Variants in RALYL observed in about 807,000 individuals in gnomAD.
RALYL encodes the protein RNA-binding Raly-like protein.
RALYL carries 29 observed loss-of-function variants against 35.1 expected under a neutral mutation model. The observed-to-expected ratio is 0.83, with a 90% CI of 0.61 to 1.13. RALYL has a LOEUF of 1.13. RALYL is among the 50% of genes most tolerant of loss of function. The pLI is 0.00. For missense variants in RALYL, 359 were observed against 360.4 expected (o/e 1.00, Z 0.03); for synonymous variants, 120 against 127.6 (o/e 0.94, Z 0.40).
intron 1 of RALYL, among the ~76,000 whole-genome samples, chr8:84,218,241 A>C (rs568812183): frequency 2.6e-5 from 4 of 152,148 alleles, no homozygotes; most frequent in African/African-American, 9.6e-5. Context: ...GTAGAGAGTA[A>C]GTGGAAGAAG....
At chr8:84,841,001 C>A (rs904722419) in intron 4 of RALYL, among the ~76,000 whole-genome samples, 79 of 152,298 alleles carry the variant, frequency 5.2e-4, no homozygotes, top group Non-Finnish European at 9.6e-4. Context: ...CAGTACCAGC[C>A]ACTGCAAAAA....
chr8:84,450,816 A>G (rs1041454724), intron 1 of RALYL, among the ~76,000 whole-genome samples: 2 of 151,986 alleles, frequency 1.3e-5, no homozygotes, highest in African/African-American at 4.8e-5. Flanking sequence ...TGAAATTTTC[A>G]AAAAGATTCC....
chr8:84,436,494 A>G (rs2047723367), intron 1 of RALYL, among the ~76,000 whole-genome samples: 1 of 148,880 alleles, frequency 6.7e-6, no homozygotes, highest in African/African-American at 2.5e-5. Flanking sequence ...AAAAAATAAA[A>G]CCTTCGCAGA....
intron 1 of RALYL, among the ~76,000 whole-genome samples, chr8:84,397,805 C>T (rs988148002): frequency 6.6e-6 from 1 of 152,204 alleles, no homozygotes; most frequent in South Asian, 2.1e-4. Context: ...GAACTCAGTA[C>T]TGCACCTCCT....
intron 1 of RALYL, among the ~76,000 whole-genome samples, chr8:84,407,315 G>A (rs1260119628): frequency 6.6e-6 from 1 of 151,982 alleles, no homozygotes; most frequent in Non-Finnish European, 1.5e-5. Context: ...CTCATCATGG[G>A]GAATAGTTCC....
intron 1 of RALYL, among the ~76,000 whole-genome samples, chr8:84,442,738 T>C (rs2133003344): frequency 6.6e-6 from 1 of 152,226 alleles, no homozygotes; most frequent in African/African-American, 2.4e-5. Flanking sequence ...GTTTTTGTAT[T>C]GGAAAGATCA....
chr8:84,842,129 G>A (rs1833535216), intron 4 of RALYL, among the ~76,000 whole-genome samples: 1 of 152,150 alleles, frequency 6.6e-6, no homozygotes, highest in Non-Finnish European at 1.5e-5. Flanking sequence ...GAGCAGAACT[G>A]AAGGAAATAG....
intron 2 of RALYL, among the ~76,000 whole-genome samples, chr8:84,676,958 C>T (rs555529501): frequency 1.3e-4 from 20 of 152,234 alleles, no homozygotes; most frequent in African/African-American, 4.6e-4. Context: ...CATGCCACCA[C>T]ACCTGGCTAA....
chr8:84,597,281 C>G (rs899666652), intron 2 of RALYL, among the ~76,000 whole-genome samples: 1 of 152,132 alleles, frequency 6.6e-6, no homozygotes, highest in South Asian at 2.1e-4. Context: ...AGACTTTCTT[C>G]CCCAATTCTC....
intron 4 of RALYL, among the ~76,000 whole-genome samples, chr8:84,830,892 G>T (rs2134385886): frequency 6.6e-6 from 1 of 152,116 alleles, no homozygotes; most frequent in East Asian, 1.9e-4. Flanking sequence ...GATTAATATG[G>T]AAAATATCAG....
intron 2 of RALYL, among the ~76,000 whole-genome samples, chr8:84,757,156 TA>T (rs901007911): frequency 2.0e-5 from 3 of 152,144 alleles, no homozygotes; most frequent in Admixed American, 6.6e-5. Context: ...AATTTAGAGA[TA>T]TTTTTGATAA....
chr8:84,412,495 C>T (rs73304370), intron 1 of RALYL, among the ~76,000 whole-genome samples: 1 of 151,752 alleles, frequency 6.6e-6, no homozygotes, highest in African/African-American at 2.4e-5. Context: ...AGAGATTTCC[C>T]TCTGGGTTTC....
intron 2 of RALYL, among the ~76,000 whole-genome samples, chr8:84,744,677 C>G (rs868071492): frequency 6.6e-5 from 10 of 151,966 alleles, no homozygotes; most frequent in African/African-American, 2.4e-4. Context: ...CCATTCAGAG[C>G]TTTTCAAAGG....
At chr8:84,605,950 T>C (rs1229835005) in intron 2 of RALYL, among the ~76,000 whole-genome samples, 1 of 152,114 alleles carries the variant, frequency 6.6e-6, no homozygotes, top group Non-Finnish European at 1.5e-5. Flanking sequence ...GAGTTATTTG[T>C]GAGATTCATT....
chr8:84,708,829 A>G (rs1841663134), intron 2 of RALYL, among the ~76,000 whole-genome samples: 1 of 152,186 alleles, frequency 6.6e-6, no homozygotes, highest in Non-Finnish European at 1.5e-5. Context: ...TACATTTTTA[A>G]AAAATGAATA....
At chr8:84,380,319 T>C (rs16912757) in intron 1 of RALYL, among the ~76,000 whole-genome samples, 4,477 of 151,962 alleles carry the variant, frequency 0.029, 215 homozygotes, top group African/African-American at 0.1. Context: ...ATAATAGGCA[T>C]AATATTTCTG....
At chr8:84,568,027 G>A (rs1055216091) in intron 2 of RALYL, among the ~76,000 whole-genome samples, 2 of 151,212 alleles carry the variant, frequency 1.3e-5, no homozygotes, top group African/African-American at 4.9e-5. Context: ...GTCTGTTCAT[G>A]TCCTTTTCCC....
intron 7 of RALYL, among the ~76,000 whole-genome samples, chr8:84,882,914 A>G (rs1842406340): frequency 6.6e-6 from 1 of 152,098 alleles, no homozygotes; most frequent in Admixed American, 6.6e-5. Context: ...TCTCTACTTC[A>G]GCAATGTAAT....
intron 2 of RALYL, among the ~76,000 whole-genome samples, chr8:84,762,026 G>T (rs768083374): frequency 2.0e-5 from 3 of 152,004 alleles, no homozygotes; most frequent in Admixed American, 6.6e-5. Flanking sequence ...CAGGCCAGGG[G>T]AGACGAAACT....
Sources: gnomAD v4.1 joint callset for allele counts (sites outside exome capture counted in the v4.1 genomes callset) on GRCh38, gnomAD v4.1.1 for gene constraint, MANE v1.5 for transcripts, NCBI Gene and HGNC (gene_info 2026-07-23, HGNC 2026-07-21) for gene names.